The following BLTP1 variants were observed in gnomAD, a reference collection of about 807,000 sequenced individuals.
BLTP1 encodes the protein fragile site-associated protein.
At chr4:122,289,045 CTAATG>C in the BLTP1 span, 1 of 1,575,364 alleles carries the variant, frequency 6.3e-7, no homozygotes. Flanking sequence ...AAGTGTAAAG[CTAATG>C]TAATCAGTGT....
At chr4:122,350,331 G>A in the BLTP1 span, 1 of 985,116 alleles carries the variant, frequency 1.0e-6, no homozygotes, top group African/African-American at 1.7e-5. Flanking sequence ...CTCTTGAATA[G>A]TGTTTATGAG....
At chr4:122,354,710 A>C in the BLTP1 span, among the ~76,000 whole-genome samples, 2 of 146,272 alleles carry the variant, frequency 1.4e-5, no homozygotes, top group African/African-American at 2.6e-5. Flanking sequence ...TCTGTTGCCC[A>C]GACTGAAGTA....
chr4:122,314,204 G>T, the BLTP1 span: 4 of 803,674 alleles, frequency 5.0e-6, no homozygotes, highest in East Asian at 5.0e-4. Flanking sequence ...GAAAATTCAG[G>T]CAGAGAGAAT....
chr4:122,184,612 C>G, the BLTP1 span: 1 of 791,844 alleles, frequency 1.3e-6, no homozygotes, highest in Non-Finnish European at 1.5e-6. Flanking sequence ...TGCACTCCAG[C>G]CTGGGCAACA....
the BLTP1 span, among the ~76,000 whole-genome samples, chr4:122,342,829 A>C: frequency 6.6e-6 from 1 of 152,248 alleles, no homozygotes; most frequent in Non-Finnish European, 1.5e-5. Flanking sequence ...TCTGGTCTGG[A>C]CATACATTTT....
chr4:122,284,636 A>T, the BLTP1 span, among the ~76,000 whole-genome samples: 228 of 152,270 alleles, frequency 1.5e-3, no homozygotes, highest in African/African-American at 4.9e-3. Flanking sequence ...TTCACGTTTC[A>T]GTTACCTATG....
At chr4:122,316,620 A>G in the BLTP1 span, 8 of 1,379,626 alleles carry the variant, frequency 5.8e-6, no homozygotes, top group Middle Eastern at 1.9e-4. Context: ...CAACCTTAAT[A>G]TAGATGGTTT....
At chr4:122,209,751 A>G in the BLTP1 span, 2 of 1,550,222 alleles carry the variant, frequency 1.3e-6, no homozygotes, top group East Asian at 2.3e-5. Context: ...ATTATCTGCA[A>G]CTGGTATCTC....
the BLTP1 span, chr4:122,171,941 A>T: frequency 1.0e-6 from 1 of 985,098 alleles, no homozygotes; most frequent in Admixed American, 6.2e-5. Context: ...TTCTCAGCAA[A>T]TGCCTGTTGC....
chr4:122,328,861 C>T, the BLTP1 span: 14 of 639,560 alleles, frequency 2.2e-5, no homozygotes, highest in Admixed American at 1.3e-4. Context: ...TCAAGAGGAG[C>T]GGCAAGGATC....
At chr4:122,276,234 GT>G in the BLTP1 span, 1 of 416,940 alleles carries the variant, frequency 2.4e-6, no homozygotes, top group Non-Finnish European at 3.8e-6. Flanking sequence ...CTTGTCTGTT[GT>G]TGTTGACAAG....
the BLTP1 span, among the ~76,000 whole-genome samples, chr4:122,324,141 C>T: frequency 3.3e-5 from 5 of 151,926 alleles, no homozygotes; most frequent in African/African-American, 1.2e-4. Flanking sequence ...AAAATCATTT[C>T]CTTTCTTCTC....
At chr4:122,218,899 A>G in the BLTP1 span, among the ~76,000 whole-genome samples, 2 of 152,232 alleles carry the variant, frequency 1.3e-5, no homozygotes, top group African/African-American at 4.8e-5. Context: ...ATATTCCAAC[A>G]GGAATATGTG....
chr4:122,190,258 G>A, the BLTP1 span: 1 of 572,062 alleles, frequency 1.7e-6, no homozygotes, highest in African/African-American at 2.0e-5. Flanking sequence ...CACTATGCCT[G>A]ACTAATTTTT....
At chr4:122,163,197 A>T in the BLTP1 span, among the ~76,000 whole-genome samples, 14 of 152,322 alleles carry the variant, frequency 9.2e-5, no homozygotes, top group African/African-American at 3.4e-4. Flanking sequence ...TGATCATAGG[A>T]AACACTGGTA....
At chr4:122,259,278 T>G in the BLTP1 span, among the ~76,000 whole-genome samples, 1 of 152,202 alleles carries the variant, frequency 6.6e-6, no homozygotes. Flanking sequence ...GAGTACCACC[T>G]TGCAAGCCAG....
At chr4:122,210,969 T>C in the BLTP1 span, 10 of 1,612,566 alleles carry the variant, frequency 6.2e-6, no homozygotes, top group Non-Finnish European at 7.6e-6. Context: ...CTCCCTCTAC[T>C]TCTTCACGCC....
At chr4:122,339,385 C>G in the BLTP1 span, 1 of 1,611,906 alleles carries the variant, frequency 6.2e-7, no homozygotes, top group African/African-American at 1.3e-5. Context: ...ACAAAGACTT[C>G]TGCTAGCAAA....
At chr4:122,292,116 A>G in the BLTP1 span, among the ~76,000 whole-genome samples, 3 of 152,030 alleles carry the variant, frequency 2.0e-5, no homozygotes, top group Admixed American at 6.6e-5. Context: ...GACTACAGGC[A>G]TGCACCACCA....
Sources: gnomAD v4.1 joint callset for allele counts (sites outside exome capture counted in the v4.1 genomes callset) on GRCh38, gnomAD v4.1.1 for gene constraint, MANE v1.5 for transcripts, NCBI Gene and HGNC (gene_info 2026-07-23, HGNC 2026-07-21) for gene names.